The following DNAH10 variants were observed in gnomAD, a reference collection of about 807,000 sequenced individuals.
DNAH10 encodes axonemal beta dynein heavy chain 10.
A neutral mutation model predicts 506.6 loss-of-function variants in DNAH10; 348 were observed. The observed-to-expected ratio is 0.69, with a 90% CI of 0.63 to 0.75. The LOEUF is 0.75. DNAH10 is among the 30% of genes least tolerant of loss of function. DNAH10 has a pLI of 0.00. For synonymous variants in DNAH10, 2,059 were observed against 2,198.6 expected (o/e 0.94, Z 1.78); for missense variants, 5,179 against 5,787.1 (o/e 0.89, Z 3.41).
Position 123,762,488 on chromosome 12 carries a change from A to AG in DNAH10, c.156dup (p.Pro53AlafsTer20). 1.3e-6 allele frequency: 2 copies of AG among 1,521,562 alleles called. No individual in the cohort carries two copies. The highest frequency in any genetic ancestry group is 1.8e-6 in the Non-Finnish European group (2 of 1,131,056). 94.3% of individuals were successfully genotyped at this position (1,521,562 alleles called of 1,614,324 possible). ...TTCCTCAACCAGGCGAGCGAGGAGG[A>AG]GGGGCCCTCGGCGCTCTTCATCTAC... On this transcript the variant is annotated frameshift_variant, in exon 1 of 79. Coordinates refer to ENST00000673944, the MANE Select transcript of DNAH10 (RefSeq NM_001372106.1). LOFTEE classifies it high-confidence loss of function. The surrounding 1 kb of genome is among the most constrained non-coding windows in gnomAD (Gnocchi z 5.0).
chr12:123,826,944 T>C, intron 25 of DNAH10, 46 bp downstream of exon 25: 1 of 1,531,710 alleles, frequency 6.5e-7, no homozygotes, highest in African/African-American at 1.4e-5. Context: ...TGGGAGGAGC[T>C]TTTAGTTAAA....
chr12:123,851,123 G>T (rs778250484), intron 35 of DNAH10, 47 bp downstream of exon 35: 10 of 1,515,618 alleles, frequency 6.6e-6, no homozygotes. Flanking sequence ...GACTTCACCC[G>T]GGTCTGCTTC....
intron 41 of DNAH10, 135 bp downstream of exon 41, chr12:123,866,208 A>G: frequency 2.4e-6 from 1 of 414,210 alleles, no homozygotes; most frequent in Non-Finnish European, 3.9e-6. Flanking sequence ...GCACAAAATA[A>G]GTGAAAACAT....
chr12:123,812,445 C>T (rs537977065), intron 19 of DNAH10, among the ~76,000 whole-genome samples: 54 of 151,950 alleles, frequency 3.6e-4, no homozygotes, highest in Admixed American at 1.1e-3. Flanking sequence ...AGCGAAACTC[C>T]GTCTCAAAAA....
Position 123,928,265 on chromosome 12 carries a change from G to C in DNAH10, c.12106-122G>C. On this transcript the variant is annotated intron_variant, in intron 69 of 78. Transcript: ENST00000673944. This position sits in a 1 kb window ranked among gnomAD's most constrained non-coding sequence, Gnocchi z 4.9. Reference sequence around the variant, plus strand: ...TCCACCTGTAGCTCCTGGATCCTCGGCTTGCTTTTGGCTTCTGCTGGAGCT... The same window carrying C: ...TCCACCTGTAGCTCCTGGATCCTCGCCTTGCTTTTGGCTTCTGCTGGAGCT... The C allele has an allele frequency of 1.8e-6, 2 of 1,111,328 alleles. No homozygotes were observed. Among genetic ancestry groups the C allele is most frequent in the Non-Finnish European group, 2.5e-6 (2 of 791,696 alleles). 68.8% of individuals were successfully genotyped at this position (1,111,328 alleles called of 1,614,324 possible). A position where few individuals can be genotyped will look rare whatever the true frequency, so the allele number is the denominator to read the frequency against.
intron 61 of DNAH10, 100 bp downstream of exon 61, chr12:123,914,650 A>G: frequency 7.0e-7 from 1 of 1,420,140 alleles, no homozygotes; most frequent in South Asian, 1.4e-5. Context: ...GGGGGGCATC[A>G]CCAGGACCAC....
Position 123,909,566 on chromosome 12 carries a change from A to G in DNAH10, c.9997+124A>G. 1.6e-6 allele frequency: 2 copies of G among 1,248,838 alleles called. No homozygotes were observed. Among genetic ancestry groups the G allele is most frequent in the South Asian group, 3.2e-5 (2 of 62,996 alleles). The allele number at this position is 1,248,838 out of a possible 1,614,324, so 77.4% of individuals were successfully genotyped here. A position where few individuals can be genotyped will look rare whatever the true frequency, so the allele number is the denominator to read the frequency against. On this transcript the variant is annotated intron_variant, in intron 58 of 78. Transcript: ENST00000673944. This position sits in a 1 kb window ranked among gnomAD's most constrained non-coding sequence, Gnocchi z 5.4. ...GGCCCTCCCCTTCTGGTCAGATGGT[A>G]TCGGATGGAACAGGCAACTGATGGT... is the stretch of plus-strand genomic sequence containing the variant.
At chr12:123,896,148 C>CACACAGAGAGAG (rs1383690518) in intron 54 of DNAH10, among the ~76,000 whole-genome samples, 79 of 95,292 alleles carry the variant, frequency 8.3e-4, no homozygotes, top group East Asian at 1.5e-3. Context: ...CACACACACA[C>CACACAGAGAGAG]AGAGAGAGAG....
chr12:123,783,908 A>G (rs1301516036), intron 7 of DNAH10, 39 bp from the exon 8 acceptor site: 2 of 1,568,126 alleles, frequency 1.3e-6, no homozygotes, highest in Non-Finnish European at 8.8e-7. Flanking sequence ...GCTCCACCCT[A>G]ATAATGAGAG....
At chr12:123,860,364 C>A (rs536034976) in intron 38 of DNAH10, among the ~76,000 whole-genome samples, 44 of 152,322 alleles carry the variant, frequency 2.9e-4, no homozygotes, top group Admixed American at 1.2e-3. Flanking sequence ...TTCTTTAATT[C>A]ATTCATTGTA....
chr12:123,820,430 A>T, intron 23 of DNAH10, 150 bp from the exon 24 acceptor site: 1 of 812,892 alleles, frequency 1.2e-6, no homozygotes, highest in Non-Finnish European at 1.9e-6. Context: ...TTTTGGTTTT[A>T]CTTAGAATGG....
rs772936036 is a variant in DNAH10 at position 123,846,026 on chromosome 12, C to T, written c.5686C>T (p.Arg1896Trp). 1.7e-5 allele frequency: 28 copies of T among 1,613,864 alleles called. No individual in the cohort carries two copies. The highest frequency in any genetic ancestry group is 3.3e-4 in the Middle Eastern group (2 of 6,084). Residue 1896 changes from arginine (R) to tryptophan (W), a missense_variant, in exon 32 of 79, where the codon CGG (arginine) becomes TGG (tryptophan). By Grantham distance (101) the Arg-to-Trp change is moderately radical. Around this residue, in one of 3 missense-constraint regions of DNAH10, gnomAD observed 4,844 missense variants for 5,430.5 expected, o/e 0.89. Transcript: ENST00000673944. The surrounding 1 kb of genome is among the most constrained non-coding windows in gnomAD (Gnocchi z 4.5). ...AAGTCAGTTGCGGTTTTATTGGGAC[C>T]GGGAGCCGGATGAGCTGAACATCCG... ...WESQLRFYWD[R>W]EPDELNIRQC...
intron 46 of DNAH10, among the ~76,000 whole-genome samples, chr12:123,874,486 T>C (rs1465919594): frequency 6.6e-6 from 1 of 152,016 alleles, no homozygotes; most frequent in Non-Finnish European, 1.5e-5. Context: ...CATCTGTCTG[T>C]TTTTCCATCT....
At chr12:123,815,138 T>A (rs1959101496) in intron 21 of DNAH10, among the ~76,000 whole-genome samples, 1 of 152,164 alleles carries the variant, frequency 6.6e-6, no homozygotes, top group South Asian at 2.1e-4. Context: ...CAAATGGACA[T>A]CCTGTAGTAT....
intron 27 of DNAH10, among the ~76,000 whole-genome samples, chr12:123,834,046 G>A (rs1960864143): frequency 6.6e-6 from 1 of 152,090 alleles, no homozygotes; most frequent in Non-Finnish European, 1.5e-5. Context: ...TCCAAGCCTT[G>A]GGTGGGATGA....
At chr12:123,812,212 G>A (rs1565934920) in intron 19 of DNAH10, among the ~76,000 whole-genome samples, 1 of 152,124 alleles carries the variant, frequency 6.6e-6, no homozygotes, top group Non-Finnish European at 1.5e-5. Context: ...AGTACTTTGG[G>A]AGGCCGAGGT....
At chr12:123,868,676 G>A (rs934024809) in intron 43 of DNAH10, among the ~76,000 whole-genome samples, 24 of 152,330 alleles carry the variant, frequency 1.6e-4, no homozygotes, top group Admixed American at 1.4e-3. Context: ...TGCAATGGTA[G>A]GACCCTTCTT....
At position 123,785,730 on chromosome 12, in the gene DNAH10, C is replaced by T. The variant is rs1264953411; in HGVS notation, c.1231-16C>T. The T allele has an allele frequency of 4.5e-6, 7 of 1,566,376 alleles. No individual in the cohort carries two copies. In the East Asian group the frequency reaches 9.1e-5, roughly 20 times the overall value. The stretch of plus-strand genomic sequence containing the variant: ...AGGCTAAGGGCTCTTGCGTGGCTCT[C>T]TCCTCTCTTGGTCAGAACATAACGC... On this transcript the variant is annotated splice_polypyrimidine_tract_variant and intron_variant, in intron 8 of 78. Transcript: ENST00000673944. The surrounding 1 kb of genome is among the most constrained non-coding windows in gnomAD (Gnocchi z 4.1).
Position 123,867,491 on chromosome 12 carries a change from C to T in DNAH10, c.7192C>T (p.Leu2398Phe), listed in dbSNP as rs1185801330. The change falls in exon 42 of 79, where the codon CTC becomes TTC. Residue 2398 changes from leucine to phenylalanine, a missense_variant. By Grantham distance (22) the Leu-to-Phe change is conservative. Transcript: ENST00000673944. ...GGTGGAGCAATACAATTTGAATAGT[C>T]TCTTTGAGAAGTATGTGCCCTATCT... ...NKVEQYNLNS[L>F]FEKYVPYLMD... 9.3e-6 allele frequency: 15 copies of T among 1,613,580 alleles called. No homozygotes were observed. The highest frequency in any genetic ancestry group is 1.3e-5 in the Non-Finnish European group (15 of 1,179,816).
Sources: allele counts gnomAD v4.1 joint callset (sites outside exome capture counted in the v4.1 genomes callset), GRCh38; gene constraint gnomAD v4.1.1; regional missense constraint gnomAD v4.1.1; non-coding constraint Gnocchi (gnomAD v3.1); transcripts MANE v1.5; gene names NCBI Gene and HGNC (gene_info 2026-07-23, HGNC 2026-07-21).